The following COMMD1 variants were observed in gnomAD, a reference collection of about 807,000 sequenced individuals.
COMMD1 encodes copper metabolism domain containing 1, also known as COMM domain-containing protein 1.
A neutral mutation model predicts 17.2 loss-of-function variants in COMMD1; 10 were observed. That is an observed-to-expected ratio of 0.58 (90% CI 0.36 to 0.99). COMMD1 has a LOEUF of 0.99. Among genes scored for constraint, COMMD1 ranks in the 50% least tolerant of loss-of-function variants. COMMD1 has a pLI of 0.01. For synonymous variants in COMMD1, 97 were observed against 91.6 expected (o/e 1.06, Z -0.34); for missense variants, 270 against 231.8 (o/e 1.17, Z -1.07).
intron 2 of COMMD1, among the ~76,000 whole-genome samples, chr2:62,034,803 A>G (rs1346376168): frequency 6.6e-6 from 1 of 152,212 alleles, no homozygotes; most frequent in Non-Finnish European, 1.5e-5. Flanking sequence ...TTTTAAAAAA[A>G]AAAGTCTCAT....
chr2:61,952,604 C>G (rs1375554106), intron 1 of COMMD1, among the ~76,000 whole-genome samples: 1 of 152,204 alleles, frequency 6.6e-6, no homozygotes, highest in East Asian at 1.9e-4. Context: ...CACTCATTCT[C>G]CAGCCCCCTG....
At chr2:62,047,491 A>G (rs1291198856) in intron 2 of COMMD1, among the ~76,000 whole-genome samples, 1 of 147,700 alleles carries the variant, frequency 6.8e-6, no homozygotes, top group Non-Finnish European at 1.5e-5. Flanking sequence ...TTTGAGACGG[A>G]GTCTTTAGGC....
chr2:61,965,963 T>A (rs1671494874), intron 1 of COMMD1, among the ~76,000 whole-genome samples: 1 of 152,240 alleles, frequency 6.6e-6, no homozygotes, highest in South Asian at 2.1e-4. Context: ...TGAAGTTGGC[T>A]AGGTTTATAG....
intron 1 of COMMD1, among the ~76,000 whole-genome samples, chr2:61,907,000 A>T (rs769790308): frequency 1.4e-4 from 22 of 152,248 alleles, no homozygotes; most frequent in Non-Finnish European, 2.9e-4. Context: ...CAGTAAATGG[A>T]TTGTCTCATG....
chr2:61,915,782 C>G, intron 1 of COMMD1: 1 of 423,434 alleles, frequency 2.4e-6, no homozygotes, highest in Non-Finnish European at 4.7e-6. Flanking sequence ...AGGTATGAGC[C>G]ACCACGCTTG....
At chr2:62,034,761 G>A (rs564211393) in intron 2 of COMMD1, among the ~76,000 whole-genome samples, 1 of 152,140 alleles carries the variant, frequency 6.6e-6, no homozygotes, top group South Asian at 2.1e-4. Flanking sequence ...TACCTGACTT[G>A]CCTTTGCCCT....
intron 1 of COMMD1, among the ~76,000 whole-genome samples, chr2:61,952,778 G>A (rs945223835): frequency 2.0e-5 from 3 of 152,178 alleles, no homozygotes; most frequent in African/African-American, 7.2e-5. Context: ...TGTGCAGTGG[G>A]CAGGAAGGAC....
intron 2 of COMMD1, among the ~76,000 whole-genome samples, chr2:62,126,942 T>C (rs1053622557): frequency 1.5e-4 from 23 of 152,162 alleles, no homozygotes; most frequent in African/African-American, 5.3e-4. Context: ...CAAATTGTCT[T>C]TGTTTGCAGA....
intron 1 of COMMD1, among the ~76,000 whole-genome samples, chr2:61,954,324 A>G (rs1297895538): frequency 2.6e-5 from 4 of 152,178 alleles, no homozygotes; most frequent in Non-Finnish European, 2.9e-5. Context: ...AAAAGAAAGA[A>G]GTTTGGTAGG....
intron 2 of COMMD1, among the ~76,000 whole-genome samples, chr2:62,117,850 C>T (rs762530889): frequency 1.1e-3 from 171 of 152,156 alleles, no homozygotes; most frequent in Non-Finnish European, 1.9e-3. Flanking sequence ...TTAGGCATTT[C>T]GTTTTTCCCA....
At chr2:61,965,750 A>G (rs1291268828) in intron 1 of COMMD1, among the ~76,000 whole-genome samples, 2 of 152,152 alleles carry the variant, frequency 1.3e-5, no homozygotes, top group Non-Finnish European at 2.9e-5. Context: ...TTGGAGCCTT[A>G]AAGTCCAGCT....
At chr2:61,950,266 C>G (rs919945500) in intron 1 of COMMD1, among the ~76,000 whole-genome samples, 1 of 152,178 alleles carries the variant, frequency 6.6e-6, no homozygotes, top group African/African-American at 2.4e-5. Context: ...CAGGAAATCC[C>G]AGCCATCCCA....
intron 2 of COMMD1, among the ~76,000 whole-genome samples, chr2:62,019,110 TCC>T (rs1669539216): frequency 2.5e-5 from 2 of 79,722 alleles, no homozygotes; most frequent in Non-Finnish European, 4.3e-5. Context: ...CTTCCCTCCC[TCC>T]CTCCCTCCCT....
upstream of COMMD1, among the ~76,000 whole-genome samples, chr2:61,905,370 T>G (rs893805746): frequency 6.6e-6 from 1 of 152,226 alleles, no homozygotes; most frequent in African/African-American, 2.4e-5. Context: ...GCCAAACTTA[T>G]AGGCTGCTAC....
intron 2 of COMMD1, among the ~76,000 whole-genome samples, chr2:62,111,211 A>G (rs1043673419): frequency 1.3e-5 from 2 of 152,190 alleles, no homozygotes; most frequent in Non-Finnish European, 2.9e-5. Context: ...TGAGCCTTGT[A>G]AAGGTGGAAA....
intron 1 of COMMD1, chr2:61,968,851 C>G (rs940921337): frequency 2.5e-5 from 5 of 201,296 alleles, no homozygotes; most frequent in Non-Finnish European, 5.4e-5. Context: ...AACCACCGTG[C>G]CTGGCCTCAG....
In COMMD1 at chr2:61,991,139, CT is replaced by C. The variant is rs1184577663; in HGVS notation, c.181-9554del. Among the ~76,000 whole-genome samples, 5 of 151,860 alleles carry C rather than the reference CT, an allele frequency of 3.3e-5. 1 individual carries two copies. The highest frequency in any genetic ancestry group is 1.3e-4 in the Admixed American group (2 of 15,232). The stretch of plus-strand genomic sequence containing the variant: ...TACATTTTCATTTTTCATTCAAATT[CT>C]TTTTTTTCTTTAGTATCGTAGCCTA... On this transcript the variant is annotated intron_variant, in intron 1 of 2. Coordinates refer to ENST00000311832, the MANE Select transcript of COMMD1 (RefSeq NM_152516.4).
intron 1 of COMMD1, among the ~76,000 whole-genome samples, chr2:61,942,697 G>A (rs529436932): frequency 2.1e-4 from 32 of 151,586 alleles, no homozygotes; most frequent in African/African-American, 7.0e-4. Flanking sequence ...ACATCATCAC[G>A]CTCAGCTAAC....
At chr2:61,938,754 C>T (rs1670664086) in intron 1 of COMMD1, among the ~76,000 whole-genome samples, 1 of 152,060 alleles carries the variant, frequency 6.6e-6, no homozygotes, top group Non-Finnish European at 1.5e-5. Flanking sequence ...TAACAGGATG[C>T]CAAATGAGAG....
Sources: allele counts gnomAD v4.1 joint callset (sites outside exome capture counted in the v4.1 genomes callset), GRCh38; gene constraint gnomAD v4.1.1; transcripts MANE v1.5; gene names NCBI Gene and HGNC (gene_info 2026-07-23, HGNC 2026-07-21).